PDXDC1: variants seen among roughly 807,000 people sequenced by gnomAD.
PDXDC1 encodes the protein pyridoxal dependent decarboxylase domain containing 1, also known as pyridoxal-dependent decarboxylase domain-containing protein 1.
Under a neutral mutation model 100.1 loss-of-function variants are expected in PDXDC1, and 42 were observed. The observed-to-expected ratio is 0.42, with a 90% CI of 0.33 to 0.54. The LOEUF (loss-of-function observed/expected upper bound fraction) is 0.54, where lower values mean the gene tolerates loss of function less well. PDXDC1 is among the 20% of genes least tolerant of loss of function. The pLI, the probability that PDXDC1 is intolerant of heterozygous loss-of-function variation, is 0.10. For synonymous variants in PDXDC1, 260 were observed against 371.7 expected (o/e 0.70, Z 3.46); for missense variants, 636 against 979.2 (o/e 0.65, Z 4.68).
At chr16:15,067,093 T>C (rs2045012546) in intron 16 of PDXDC1, among the ~76,000 whole-genome samples, 1 of 147,196 alleles carries the variant, frequency 6.8e-6, no homozygotes, top group South Asian at 2.2e-4. Context: ...ATTGGTCTCT[T>C]TATGCCTTTT....
downstream of PDXDC1, among the ~76,000 whole-genome samples, chr16:15,141,275 G>A (rs1257842851): frequency 1.3e-5 from 2 of 152,230 alleles, no homozygotes; most frequent in East Asian, 1.9e-4. Context: ...CCAGGGCAAG[G>A]GCTTGAAAAG....
rs760665602 is a variant in PDXDC1 at position 15,031,725 on chromosome 16, A to C, written c.1400-10A>C. 4 of 1,604,308 alleles carry C rather than the reference A, an allele frequency of 2.5e-6. No individual in the cohort carries two copies. In the South Asian group the frequency reaches 4.4e-5, roughly 18 times the overall value. On this transcript the variant is annotated splice_polypyrimidine_tract_variant and intron_variant, in intron 16 of 22. Transcript: ENST00000396410. ...CGTGAGCATTTCTCTGACATTGTGA[A>C]CATCTTCAGTTTTAGGAACTCGGGG...
chr16:15,141,039 A>G (rs2048465680), downstream of PDXDC1, among the ~76,000 whole-genome samples: 1 of 150,092 alleles, frequency 6.7e-6, no homozygotes, highest in South Asian at 2.1e-4. Flanking sequence ...GCACCCGCCC[A>G]GCCCCTACCG....
At chr16:15,065,212 T>C (rs769324257) in intron 16 of PDXDC1, 11 of 1,599,712 alleles carry the variant, frequency 6.9e-6, no homozygotes, top group Non-Finnish European at 9.4e-6. Context: ...TGTTTAAAAG[T>C]ACCTACCTCT....
chr16:14,981,444 C>G (rs1234889124), intron 1 of PDXDC1, among the ~76,000 whole-genome samples: 2 of 152,290 alleles, frequency 1.3e-5, no homozygotes, highest in African/African-American at 4.8e-5. Flanking sequence ...GCCTATAAAG[C>G]TTATCTTAAG....
At chr16:15,100,177 A>G (rs188643170) in intron 16 of PDXDC1, among the ~76,000 whole-genome samples, 14 of 152,238 alleles carry the variant, frequency 9.2e-5, no homozygotes, top group South Asian at 4.1e-4. Context: ...ATGGTTTGCA[A>G]ATGGCTGAAT....
chr16:15,001,683 T>G, intron 3 of PDXDC1, 93 bp from the exon 4 acceptor site: 3 of 1,111,882 alleles, frequency 2.7e-6, no homozygotes, highest in Admixed American at 2.9e-5. Flanking sequence ...AAAAAAAACT[T>G]GAAGCAACGC....
At chr16:15,111,069 A>G (rs1234508803) in intron 16 of PDXDC1, among the ~76,000 whole-genome samples, 1 of 148,998 alleles carries the variant, frequency 6.7e-6, no homozygotes, top group Non-Finnish European at 1.5e-5. Context: ...CGGAGGTTGC[A>G]GTGAGCGGAG....
At chr16:15,094,401 T>C in intron 16 of PDXDC1, 2 of 644,544 alleles carry the variant, frequency 3.1e-6, no homozygotes, top group Admixed American at 2.9e-5. Context: ...TGAAACCCGC[T>C]CCTCGTTCTA....
At chr16:15,087,003 G>A (rs143601319) in intron 16 of PDXDC1, among the ~76,000 whole-genome samples, 295 of 152,136 alleles carry the variant, frequency 1.9e-3, no homozygotes, top group Admixed American at 6.2e-3. Flanking sequence ...ATATTTTTCG[G>A]GCAATCAAAT....
At chr16:15,056,044 C>A (rs1353423261) in intron 16 of PDXDC1, 4 of 667,264 alleles carry the variant, frequency 6.0e-6, no homozygotes, top group Non-Finnish European at 7.7e-6. Flanking sequence ...CCGCCCGCCG[C>A]CCCCGCCCCT....
chr16:15,087,251 G>A (rs1283715385), intron 16 of PDXDC1, among the ~76,000 whole-genome samples: 1 of 152,168 alleles, frequency 6.6e-6, no homozygotes, highest in African/African-American at 2.4e-5. Context: ...ATCATTTAGT[G>A]AGAATACACC....
chr16:14,996,744 G>C (rs1173561644), intron 1 of PDXDC1, among the ~76,000 whole-genome samples: 1 of 152,206 alleles, frequency 6.6e-6, no homozygotes, highest in African/African-American at 2.4e-5. Context: ...GTATTCCCAG[G>C]TACTCAGGAG....
intron 16 of PDXDC1, among the ~76,000 whole-genome samples, chr16:15,058,268 T>G (rs1234479544): frequency 4.0e-5 from 6 of 151,684 alleles, no homozygotes; most frequent in African/African-American, 1.5e-4. Context: ...CACTCCTGCC[T>G]GGGTGATTAC....
downstream of PDXDC1, chr16:15,038,829 G>A (rs2043671714): frequency 3.4e-6 from 2 of 582,414 alleles, no homozygotes; most frequent in Non-Finnish European, 6.0e-6. Context: ...AACAAAAGCT[G>A]CCAGCTACTG....
In PDXDC1 at chr16:14,988,211, C is replaced by T. The variant is rs1444441419; in HGVS notation, c.22-9542C>T. On this transcript the variant is annotated intron_variant, in intron 1 of 22. Transcript: ENST00000396410. ...GCTCCTGGCAGTGGGACTTTCAGTG[C>T]TGGGTGTCTTGTGCAAATGGTGGCT... 7 of 1,612,518 alleles carry T rather than the reference C, an allele frequency of 4.3e-6. No individual in the cohort carries two copies. In the Admixed American group the frequency reaches 8.3e-5, roughly 19 times the overall value.
chr16:15,075,703 G>A (rs953944855), intron 16 of PDXDC1, among the ~76,000 whole-genome samples: 4 of 152,172 alleles, frequency 2.6e-5, no homozygotes, highest in Non-Finnish European at 5.9e-5. Context: ...ACCAGCTTCT[G>A]ATTCTCATTG....
intron 4 of PDXDC1, 26 bp from the exon 5 acceptor site, chr16:15,004,161 T>G: frequency 6.2e-7 from 1 of 1,602,832 alleles, no homozygotes; most frequent in South Asian, 1.1e-5. Flanking sequence ...ATGGTTTGAC[T>G]CTAATACTTT....
At chr16:15,019,782 T>C (rs1310430085) in intron 12 of PDXDC1, among the ~76,000 whole-genome samples, 2 of 152,286 alleles carry the variant, frequency 1.3e-5, no homozygotes, top group African/African-American at 4.8e-5. Flanking sequence ...ATAGGAATTT[T>C]GTGGGGACAT....
Sources: gnomAD v4.1 joint callset for allele counts (sites outside exome capture counted in the v4.1 genomes callset) on GRCh38, gnomAD v4.1.1 for gene constraint, MANE v1.5 for transcripts, NCBI Gene and HGNC (gene_info 2026-07-23, HGNC 2026-07-21) for gene names.